Variants in WDPCP observed in about 807,000 individuals in gnomAD.
The protein encoded by WDPCP is WD repeat containing planar cell polarity effector, also known as WD repeat-containing and planar cell polarity effector protein fritz homolog.
WDPCP carries 71 observed loss-of-function variants against 93.1 expected under a neutral mutation model. The observed-to-expected ratio is 0.76, with a 90% CI of 0.63 to 0.93. The LOEUF (loss-of-function observed/expected upper bound fraction) is 0.93, where lower values mean the gene tolerates loss of function less well. WDPCP is among the 40% of genes least tolerant of loss of function. The probability of loss-of-function intolerance (pLI) is 0.00; values close to 1 mark genes in which losing one functional copy is unlikely to be tolerated. For synonymous variants in WDPCP, 315 were observed against 315.0 expected (o/e 1.00, Z 0.00); for missense variants, 844 against 887.4 (o/e 0.95, Z 0.62).
At chr2:63,141,500 G>A (rs1244579199) in intron 17 of WDPCP, among the ~76,000 whole-genome samples, 2 of 152,228 alleles carry the variant, frequency 1.3e-5, no homozygotes, top group African/African-American at 4.8e-5. Flanking sequence ...TTGATATGTT[G>A]TTGGATTTGG....
chr2:63,178,874 C>T (rs746860275), intron 14 of WDPCP, among the ~76,000 whole-genome samples: 1 of 152,054 alleles, frequency 6.6e-6, no homozygotes, highest in Non-Finnish European at 1.5e-5. Flanking sequence ...GTTTTCACTG[C>T]GTCTCACAAG....
intron 3 of WDPCP, chr2:63,606,105 G>A: frequency 5.3e-6 from 7 of 1,313,632 alleles, no homozygotes; most frequent in Non-Finnish European, 7.7e-6. Flanking sequence ...TTATTGGCCA[G>A]GCACAGTGGC....
intron 6 of WDPCP, among the ~76,000 whole-genome samples, chr2:63,465,404 G>A (rs1221809610): frequency 6.6e-6 from 1 of 152,114 alleles, no homozygotes; most frequent in Non-Finnish European, 1.5e-5. Context: ...AGAAGTGACA[G>A]TCACATTAGG....
intron 2 of WDPCP, among the ~76,000 whole-genome samples, chr2:63,658,161 A>G (rs759389011): frequency 6.6e-6 from 1 of 152,108 alleles, no homozygotes; most frequent in African/African-American, 2.4e-5. Context: ...CTTGCTTCAC[A>G]TTATACCTTT....
intron 6 of WDPCP, among the ~76,000 whole-genome samples, chr2:63,473,097 G>T (rs927582718): frequency 6.6e-6 from 1 of 152,154 alleles, no homozygotes; most frequent in African/African-American, 2.4e-5. Context: ...TAGAAAGTTG[G>T]TTTACATGGG....
intron 1 of WDPCP, among the ~76,000 whole-genome samples, chr2:63,575,687 G>T (rs1272390770): frequency 6.7e-6 from 1 of 149,442 alleles, no homozygotes; most frequent in African/African-American, 2.5e-5. Context: ...ACAGTATACT[G>T]TATACTACTA....
chr2:63,728,723 C>T (rs1669522061), intron 2 of WDPCP, among the ~76,000 whole-genome samples: 1 of 152,078 alleles, frequency 6.6e-6, no homozygotes, highest in Non-Finnish European at 1.5e-5. Context: ...TTAGTGTTGG[C>T]ATCCTTCCAC....
upstream of WDPCP, among the ~76,000 whole-genome samples, chr2:63,828,340 G>A (rs374012278): frequency 6.6e-6 from 1 of 151,924 alleles, no homozygotes; most frequent in African/African-American, 2.4e-5. Context: ...TCCTCAGAGA[G>A]GGCTTCCCTG....
intron 1 of WDPCP, among the ~76,000 whole-genome samples, chr2:63,545,302 T>A (rs535480746): frequency 6.6e-6 from 1 of 151,508 alleles, no homozygotes; most frequent in East Asian, 1.9e-4. Flanking sequence ...TGTGTGTGTG[T>A]GTGCACGTGT....
chr2:63,430,150 T>G (rs907778436), intron 9 of WDPCP, among the ~76,000 whole-genome samples: 1 of 152,084 alleles, frequency 6.6e-6, no homozygotes, highest in Admixed American at 6.6e-5. Flanking sequence ...TTCTCTCTTA[T>G]AAGTGGGAGC....
In WDPCP at chr2:63,269,914, A is replaced by G. The variant is rs1015669288; in HGVS notation, c.1813-10505T>C. ...CTACACATAAATGTGTAAAATATTG[A>G]TACAATCCTCTTTATGTTTATTTTA... On this transcript the variant is annotated intron_variant, in intron 13 of 17. Coordinates refer to ENST00000272321, the MANE Select transcript of WDPCP (RefSeq NM_015910.7). Among the ~76,000 whole-genome samples the G allele has an allele frequency of 7.9e-5, 12 of 152,326 alleles. No homozygotes were observed. The South Asian group carries it at 1.9e-3, about 24-fold the overall frequency.
intron 13 of WDPCP, among the ~76,000 whole-genome samples, chr2:63,309,069 T>C (rs917416539): frequency 6.6e-6 from 1 of 152,116 alleles, no homozygotes; most frequent in Non-Finnish European, 1.5e-5. Context: ...TGGGTACACA[T>C]GGACATAAAG....
intron 6 of WDPCP, chr2:63,443,036 C>T (rs1261044443): frequency 6.6e-6 from 1 of 152,042 alleles, no homozygotes; most frequent in African/African-American, 2.4e-5. Context: ...ACTATGGATC[C>T]TGCCAAGTGA....
chr2:63,498,875 T>C (rs1437677845), intron 1 of WDPCP, among the ~76,000 whole-genome samples: 1 of 152,010 alleles, frequency 6.6e-6, no homozygotes, highest in Non-Finnish European at 1.5e-5. Flanking sequence ...AACATGGAGG[T>C]ATATGAGCAG....
chr2:63,391,987 TC>T (rs1293022777), intron 10 of WDPCP, among the ~76,000 whole-genome samples: 2 of 152,114 alleles, frequency 1.3e-5, no homozygotes, highest in African/African-American at 4.8e-5. Context: ...TTCAATGCCA[TC>T]CCCATCAAGC....
intron 1 of WDPCP, among the ~76,000 whole-genome samples, chr2:63,504,573 T>C (rs763884440): frequency 1.3e-5 from 2 of 151,966 alleles, no homozygotes; most frequent in Non-Finnish European, 2.9e-5. Context: ...AGGACTAAAA[T>C]TTCTGTCCAC....
chr2:63,796,361 G>C (rs1183140378), intron 2 of WDPCP, among the ~76,000 whole-genome samples: 3 of 152,206 alleles, frequency 2.0e-5, no homozygotes, highest in Non-Finnish European at 4.4e-5. Context: ...ACAACAGATT[G>C]AACAACTATC....
intron 3 of WDPCP, chr2:63,597,522 T>A: frequency 6.6e-7 from 1 of 1,503,982 alleles, no homozygotes; most frequent in African/African-American, 1.4e-5. Context: ...AATGTGAAAA[T>A]CTTCAAATCC....
At chr2:63,304,799 A>G (rs1021953172) in intron 13 of WDPCP, among the ~76,000 whole-genome samples, 2 of 152,126 alleles carry the variant, frequency 1.3e-5, no homozygotes, top group African/African-American at 4.8e-5. Flanking sequence ...CAGGTGGTCT[A>G]GCTCAGCGGA....
Sources: allele counts gnomAD v4.1 joint callset (sites outside exome capture counted in the v4.1 genomes callset), GRCh38; gene constraint gnomAD v4.1.1; transcripts MANE v1.5; gene names NCBI Gene and HGNC (gene_info 2026-07-23, HGNC 2026-07-21).